Variants in GMPR observed in about 807,000 individuals in gnomAD.
GMPR encodes the protein guanosine monophosphate reductase, also known as GMP reductase 1.
GMPR carries 31 observed loss-of-function variants against 38.4 expected under a neutral mutation model. The observed-to-expected ratio is 0.81, with a 90% CI of 0.61 to 1.09. The LOEUF (loss-of-function observed/expected upper bound fraction) is 1.09. Among genes scored for constraint, GMPR ranks in the 50% least tolerant of loss-of-function variants. The pLI is 0.00. For synonymous variants in GMPR, 162 were observed against 173.3 expected, an observed-to-expected ratio of 0.93 and a Z score of 0.51; for missense variants, 468 against 453.7, an observed-to-expected ratio of 1.03 and a Z score of -0.29.
chr6:16,276,791 T>C (rs1759480431), intron 5 of GMPR, among the ~76,000 whole-genome samples: 1 of 152,232 alleles, frequency 6.6e-6, no homozygotes, highest in Admixed American at 6.5e-5. Flanking sequence ...TTGATAGATT[T>C]CATTCATTAT....
At chr6:16,249,240 T>G (rs546081353) in intron 2 of GMPR, among the ~76,000 whole-genome samples, 2 of 150,972 alleles carry the variant, frequency 1.3e-5, no homozygotes, top group Non-Finnish European at 3.0e-5. Context: ...TGGCACCATC[T>G]TGGCTCACCG....
rs901531917 is a variant in GMPR at position 16,274,434 on chromosome 6, G to A, written c.485G>A (p.Gly162Glu). 1.1e-5 allele frequency: 17 copies of A among 1,605,818 alleles called. No individual in the cohort carries two copies. The highest frequency in any genetic ancestry group is 1.3e-5 in the Non-Finnish European group (15 of 1,172,414). The change falls in exon 5 of 9, where the codon GGA becomes GAA. Residue 162 changes from glycine (G) to glutamate (E), a missense_variant. Coordinates refer to ENST00000259727, the MANE Select transcript of GMPR (RefSeq NM_006877.4). ...HTIMAGNVVT[G>E]EMVEELILSG... is the part of the protein sequence containing the mutation. The stretch of plus-strand genomic sequence containing the variant: ...TCTCAGGCAGGGAACGTGGTGACAG[G>A]AGAAATGGTAGAAGAGCTTATTCTT...
chr6:16,238,919 C>T (rs566959983), intron 1 of GMPR, 139 bp downstream of exon 1: 17 of 366,130 alleles, frequency 4.6e-5, no homozygotes, highest in Admixed American at 1.4e-4. Context: ...CCCGTTCCCG[C>T]GCCCCAGCAC....
chr6:16,249,418 C>G (rs1758823289), intron 2 of GMPR, among the ~76,000 whole-genome samples: 1 of 152,168 alleles, frequency 6.6e-6, no homozygotes, highest in Non-Finnish European at 1.5e-5. Context: ...GATCCACCCA[C>G]CTCAGCCTCC....
At chr6:16,265,434 C>G (rs1343898108) in intron 4 of GMPR, among the ~76,000 whole-genome samples, 1 of 152,204 alleles carries the variant, frequency 6.6e-6, no homozygotes, top group East Asian at 1.9e-4. Context: ...TGTTGTCCCC[C>G]ACATGCCACC....
chr6:16,285,412 G>A (rs541470165), intron 6 of GMPR, among the ~76,000 whole-genome samples: 2 of 152,360 alleles, frequency 1.3e-5, no homozygotes, highest in Admixed American at 6.5e-5. Context: ...GTGAGAATGA[G>A]TGTGGACAGT....
At chr6:16,247,899 G>C (rs6459465) in intron 2 of GMPR, among the ~76,000 whole-genome samples, 84,890 of 151,888 alleles carry the variant, frequency 0.56, 26,758 homozygotes, top group East Asian at 0.91. Context: ...TTTTAGCCAA[G>C]TACACCAGCC....
At chr6:16,282,865 G>A (rs1759602014) in intron 6 of GMPR, among the ~76,000 whole-genome samples, 1 of 150,196 alleles carries the variant, frequency 6.7e-6, no homozygotes, top group African/African-American at 2.5e-5. Flanking sequence ...CTGGAGTGCA[G>A]TGGCATGATC....
At position 16,290,631 on chromosome 6, in the gene GMPR, T is replaced by A. The variant is rs6926552; in HGVS notation, c.857+10T>A. On this transcript the variant is annotated intron_variant, in intron 8 of 8. Coordinates refer to ENST00000259727, the MANE Select transcript of GMPR (RefSeq NM_006877.4). Reference sequence around the variant, plus strand: ...GAGTTGCTGAGTACAGGTGAGGAGGTGACCCCGGGGCGCACCCTCGAGGCC... The same window carrying A: ...GAGTTGCTGAGTACAGGTGAGGAGGAGACCCCGGGGCGCACCCTCGAGGCC... The A allele has an allele frequency of 4.3e-6, 7 of 1,610,520 alleles. No homozygotes were observed. Among genetic ancestry groups the A allele is most frequent in the Non-Finnish European group, 5.1e-6 (6 of 1,177,288 alleles).
At chr6:16,257,963 T>C (rs1334060719) in intron 4 of GMPR, 1 of 152,232 alleles carries the variant, frequency 6.6e-6, no homozygotes, top group Non-Finnish European at 1.5e-5. Flanking sequence ...TGTGGGCACA[T>C]GAGCTGAGTC....
intron 1 of GMPR, among the ~76,000 whole-genome samples, chr6:16,245,829 G>A (rs1230985001): frequency 6.6e-6 from 1 of 152,186 alleles, no homozygotes; most frequent in Non-Finnish European, 1.5e-5. Flanking sequence ...CAAGGAATAC[G>A]CAGGCCTCTC....
intron 4 of GMPR, among the ~76,000 whole-genome samples, chr6:16,271,598 C>T (rs190181609): frequency 2.0e-5 from 3 of 152,302 alleles, no homozygotes; most frequent in African/African-American, 2.4e-5. Flanking sequence ...AACTGGAGCT[C>T]GCGCCCTGCT....
chr6:16,293,623 C>A (rs527420169), intron 8 of GMPR, among the ~76,000 whole-genome samples: 1 of 152,302 alleles, frequency 6.6e-6, no homozygotes, highest in African/African-American at 2.4e-5. Flanking sequence ...CATGGTGAAA[C>A]CCCATCTCTA....
At position 16,278,801 on chromosome 6, in the gene GMPR, C is replaced by A. The variant is rs763187569; in HGVS notation, c.565C>A (p.Arg189Ser). ...CTGTGCAGGTTCTGTGTGCACCACC[C>A]GCACCAAGACGGGAGTGGGGTACCC... ...GVGPGSVCTT[R>S]TKTGVGYPQL... The change falls in exon 6 of 9, where the codon CGC becomes AGC. Residue 189 changes from arginine to serine, a missense_variant. Coordinates refer to ENST00000259727, the MANE Select transcript of GMPR (RefSeq NM_006877.4). The A allele has an allele frequency of 3.1e-6, 5 of 1,613,058 alleles. No homozygotes were observed. The South Asian group carries it at 4.4e-5, about 14-fold the overall frequency.
At chr6:16,251,384 A>G (rs983660127) in intron 3 of GMPR, among the ~76,000 whole-genome samples, 3 of 152,206 alleles carry the variant, frequency 2.0e-5, no homozygotes, top group Non-Finnish European at 4.4e-5. Context: ...CAACCTGCCC[A>G]ACATGGAGAA....
chr6:16,271,896 A>G (rs1581659681), intron 4 of GMPR, among the ~76,000 whole-genome samples: 1 of 152,120 alleles, frequency 6.6e-6, no homozygotes, highest in South Asian at 2.1e-4. Flanking sequence ...GAAAGCATTT[A>G]AGCATTTTTC....
intron 3 of GMPR, 93 bp downstream of exon 3, chr6:16,250,460 A>T (rs1210633202): frequency 2.5e-6 from 2 of 787,372 alleles, no homozygotes; most frequent in Non-Finnish European, 4.6e-6. Flanking sequence ...TAGCAGAGAG[A>T]CATTGAGAGT....
chr6:16,265,866 G>A (rs1192610797), intron 4 of GMPR, among the ~76,000 whole-genome samples: 2 of 152,188 alleles, frequency 1.3e-5, no homozygotes, highest in East Asian at 1.9e-4. Flanking sequence ...CGCTCTTTGG[G>A]TCCACGCGAC....
rs535900052 is a variant in GMPR, at chr6:16,266,960, G to A, written c.466-7455G>A. Among the ~76,000 whole-genome samples the A allele has an allele frequency of 2.3e-4, 35 of 150,602 alleles. No individual in the cohort carries two copies. The South Asian group carries it at 7.4e-3, about 32-fold the overall frequency. Reference sequence around the variant, plus strand: ...GGTCTGCGGCTTCACTCCTGAAGTCGGCGTAGACCATGAACCCACGAGGAG... The same window carrying A: ...GGTCTGCGGCTTCACTCCTGAAGTCAGCGTAGACCATGAACCCACGAGGAG... On this transcript the variant is annotated intron_variant, in intron 4 of 8. Coordinates refer to ENST00000259727, the MANE Select transcript of GMPR (RefSeq NM_006877.4).
Sources: gnomAD v4.1 joint callset for allele counts (sites outside exome capture counted in the v4.1 genomes callset) on GRCh38, gnomAD v4.1.1 for gene constraint, MANE v1.5 for transcripts, NCBI Gene and HGNC (gene_info 2026-07-23, HGNC 2026-07-21) for gene names.